FAM107B: variants seen among roughly 807,000 people sequenced by gnomAD.
The protein encoded by FAM107B is family with sequence similarity 107 member B.
Under a neutral mutation model 31.5 loss-of-function variants are expected in FAM107B, and 21 were observed. The observed-to-expected ratio is 0.67, with a 90% CI of 0.47 to 0.96. FAM107B has a LOEUF of 0.96. FAM107B is among the 40% of genes least tolerant of loss of function. The pLI is 0.00. For missense variants in FAM107B, 452 were observed against 377.1 expected (o/e 1.20, Z -1.64); for synonymous variants, 157 against 141.5 (o/e 1.11, Z -0.78).
At chr10:14,646,991 T>C (rs2131441161) in intron 2 of FAM107B, among the ~76,000 whole-genome samples, 1 of 152,082 alleles carries the variant, frequency 6.6e-6, no homozygotes, top group East Asian at 1.9e-4. Flanking sequence ...AGACGGGGTT[T>C]CACCGTGTTA....
intron 1 of FAM107B, among the ~76,000 whole-genome samples, chr10:14,750,385 G>C (rs1832803743): frequency 6.6e-6 from 1 of 152,214 alleles, no homozygotes; most frequent in Admixed American, 6.5e-5. Context: ...AGCAAGGTGG[G>C]TGGATCATTT....
intron 1 of FAM107B, among the ~76,000 whole-genome samples, chr10:14,680,272 T>A (rs1854799125): frequency 6.6e-6 from 1 of 151,924 alleles, no homozygotes; most frequent in Non-Finnish European, 1.5e-5. Flanking sequence ...AATGAGGAGA[T>A]CAGACAAAAG....
At chr10:14,716,293 G>A (rs963503965) in intron 1 of FAM107B, among the ~76,000 whole-genome samples, 8 of 152,336 alleles carry the variant, frequency 5.3e-5, no homozygotes, top group African/African-American at 1.9e-4. Context: ...ATGTTGGCCA[G>A]GACCATGGTC....
chr10:14,591,689 G>A lies in FAM107B; in HGVS notation c.470-61174C>T, dbSNP rs151323409. On this transcript the variant is annotated intron_variant, in intron 2 of 4. Coordinates refer to ENST00000181796, the MANE Select transcript of FAM107B (RefSeq NM_031453.4). ...ACCCACCACAGGACCCCAACGCTCA[G>A]TTTTAGAATCACTACACGTGAGACA... 3.0e-3 allele frequency among the ~76,000 whole-genome samples: 460 copies of A among 152,328 alleles called. 5 individuals are homozygous for A. Among genetic ancestry groups the A allele is most frequent in the African/African-American group, 0.011 (448 of 41,576 alleles).
intron 2 of FAM107B, among the ~76,000 whole-genome samples, chr10:14,630,055 C>T (rs983641806): frequency 6.6e-6 from 1 of 152,068 alleles, no homozygotes; most frequent in Non-Finnish European, 1.5e-5. Flanking sequence ...AGCTTTATCT[C>T]CTTCCACAGG....
At chr10:14,643,450 C>G (rs1253085267) in intron 2 of FAM107B, among the ~76,000 whole-genome samples, 1 of 150,508 alleles carries the variant, frequency 6.6e-6, no homozygotes, top group Non-Finnish European at 1.5e-5. Flanking sequence ...GATGCTGTCA[C>G]CCAGGCTGGA....
chr10:14,679,678 T>C (rs895671972), intron 1 of FAM107B, among the ~76,000 whole-genome samples: 2 of 152,174 alleles, frequency 1.3e-5, no homozygotes, highest in Non-Finnish European at 2.9e-5. Context: ...GAGTGTCAAC[T>C]TGATGGAATT....
intron 2 of FAM107B, among the ~76,000 whole-genome samples, chr10:14,666,551 A>G (rs1588693714): frequency 6.6e-6 from 1 of 152,248 alleles, no homozygotes; most frequent in Non-Finnish European, 1.5e-5. Context: ...CCAAACCATA[A>G]CAGATTGGAA....
chr10:14,650,751 C>T (rs923171470), intron 2 of FAM107B, among the ~76,000 whole-genome samples: 9 of 152,192 alleles, frequency 5.9e-5, no homozygotes, highest in Non-Finnish European at 1.0e-4. Context: ...TTCTACACAG[C>T]ATTAAATCAT....
At chr10:14,550,933 T>C (rs1357232187) in intron 2 of FAM107B, among the ~76,000 whole-genome samples, 1 of 152,182 alleles carries the variant, frequency 6.6e-6, no homozygotes, top group Non-Finnish European at 1.5e-5. Flanking sequence ...GAGGAACAAT[T>C]GTAAAATAAT....
At chr10:14,618,890 G>C (rs1015366391) in intron 2 of FAM107B, among the ~76,000 whole-genome samples, 2 of 152,066 alleles carry the variant, frequency 1.3e-5, no homozygotes, top group African/African-American at 4.8e-5. Flanking sequence ...ATTGGAGTAC[G>C]GTGGCCCTTA....
At chr10:14,532,270 A>G (rs553742639) in intron 2 of FAM107B, among the ~76,000 whole-genome samples, 4 of 152,158 alleles carry the variant, frequency 2.6e-5, no homozygotes, top group African/African-American at 9.6e-5. Flanking sequence ...CTGACCTCCT[A>G]GCTGCCCTGC....
intron 1 of FAM107B, among the ~76,000 whole-genome samples, chr10:14,703,820 T>G (rs1427989694): frequency 6.6e-6 from 1 of 152,250 alleles, no homozygotes; most frequent in Non-Finnish European, 1.5e-5. Flanking sequence ...GTCTCGATTT[T>G]TTTAAGGTTG....
chr10:14,713,109 C>G (rs890017915), intron 1 of FAM107B, among the ~76,000 whole-genome samples: 2 of 152,136 alleles, frequency 1.3e-5, no homozygotes, highest in Non-Finnish European at 2.9e-5. Flanking sequence ...CAAATCCTCC[C>G]TCTCTCTGGC....
chr10:14,735,151 A>G (rs892706712), intron 1 of FAM107B, among the ~76,000 whole-genome samples: 1 of 152,250 alleles, frequency 6.6e-6, no homozygotes, highest in East Asian at 1.9e-4. Context: ...TTATTCCTCA[A>G]GAGCCAACGG....
chr10:14,574,073 A>G (rs567244469), intron 2 of FAM107B, among the ~76,000 whole-genome samples: 3 of 152,320 alleles, frequency 2.0e-5, no homozygotes, highest in Admixed American at 6.5e-5. Flanking sequence ...CTCTGCTTAT[A>G]AAAAATGCAA....
intron 2 of FAM107B, among the ~76,000 whole-genome samples, chr10:14,565,514 C>T (rs1234509345): frequency 6.6e-6 from 1 of 152,146 alleles, no homozygotes; most frequent in African/African-American, 2.4e-5. Context: ...GAGGAAGAAC[C>T]AGTTCAATGG....
chr10:14,633,473 T>C (rs1853419325), intron 2 of FAM107B, among the ~76,000 whole-genome samples: 1 of 152,224 alleles, frequency 6.6e-6, no homozygotes, highest in Non-Finnish European at 1.5e-5. Context: ...GTACTTTGGA[T>C]AAGCAGTAGG....
At chr10:14,582,885 A>G (rs559634415) in intron 2 of FAM107B, among the ~76,000 whole-genome samples, 1 of 152,152 alleles carries the variant, frequency 6.6e-6, no homozygotes, top group South Asian at 2.1e-4. Context: ...CAGGAGTTCG[A>G]GATCGGCCTG....
Sources: gnomAD v4.1 joint callset for allele counts (sites outside exome capture counted in the v4.1 genomes callset) on GRCh38, gnomAD v4.1.1 for gene constraint, MANE v1.5 for transcripts, NCBI Gene and HGNC (gene_info 2026-07-23, HGNC 2026-07-21) for gene names.